TMEM232: variants seen among roughly 807,000 people sequenced by gnomAD.
TMEM232 encodes the protein transmembrane protein 232.
TMEM232 carries 80 observed loss-of-function variants against 78.8 expected under a neutral mutation model. The observed-to-expected ratio is 1.01, with a 90% confidence interval of 0.85 to 1.22. TMEM232 has a LOEUF of 1.22. Among genes scored for constraint, TMEM232 ranks in the 50% most tolerant of loss-of-function variants. TMEM232 has a pLI of 0.00. For missense variants in TMEM232, 881 were observed against 742.2 expected (o/e 1.19, Z -2.17); for synonymous variants, 297 against 254.3 (o/e 1.17, Z -1.60).
chr5:110,478,897 A>ATTTTTTT (rs746104997), intron 12 of TMEM232, among the ~76,000 whole-genome samples: 4 of 111,810 alleles, frequency 3.6e-5, no homozygotes, highest in Non-Finnish European at 5.7e-5. Flanking sequence ...GGAGAAATTG[A>ATTTTTTT]TTTTTTTTTT....
chr5:110,498,425 G>T (rs960744930), intron 12 of TMEM232, among the ~76,000 whole-genome samples: 1 of 152,112 alleles, frequency 6.6e-6, no homozygotes, highest in African/African-American at 2.4e-5. Context: ...TCACATGGGA[G>T]CCTTAACATT....
intron 11 of TMEM232, among the ~76,000 whole-genome samples, chr5:110,562,209 A>T (rs1775830724): frequency 6.6e-6 from 1 of 152,254 alleles, no homozygotes; most frequent in South Asian, 2.1e-4. Context: ...TCCACTTAGC[A>T]TCTCTGTTTC....
intron 1 of TMEM232, among the ~76,000 whole-genome samples, chr5:110,700,783 TAGG>T (rs1795340043): frequency 7.4e-6 from 1 of 135,574 alleles, no homozygotes; most frequent in East Asian, 2.4e-4. Context: ...GATAGATAGA[TAGG>T]TAGATAGATA....
intron 1 of TMEM232, among the ~76,000 whole-genome samples, chr5:110,673,717 A>G (rs1209372556): frequency 6.6e-6 from 1 of 152,162 alleles, no homozygotes; most frequent in Non-Finnish European, 1.5e-5. Context: ...TGGATTCTGA[A>G]GTTTTCGTGG....
intron 1 of TMEM232, among the ~76,000 whole-genome samples, chr5:110,692,378 G>A (rs1367678563): frequency 2.0e-5 from 3 of 152,220 alleles, no homozygotes; most frequent in Non-Finnish European, 1.5e-5. Flanking sequence ...AGTGAGCAAC[G>A]CAGAAGATGG....
chr5:110,604,005 C>T (rs530410751), intron 10 of TMEM232, among the ~76,000 whole-genome samples: 2 of 152,152 alleles, frequency 1.3e-5, no homozygotes, highest in South Asian at 4.2e-4. Context: ...CAAAATCTTG[C>T]AATTATATCT....
chr5:110,629,413 C>G (rs1409592230), intron 5 of TMEM232, among the ~76,000 whole-genome samples: 1 of 152,086 alleles, frequency 6.6e-6, no homozygotes, highest in East Asian at 1.9e-4. Context: ...AAGCTTGCAT[C>G]TTAATATTCT....
At chr5:110,440,373 CA>C (rs2112749952) in intron 12 of TMEM232, among the ~76,000 whole-genome samples, 1 of 152,226 alleles carries the variant, frequency 6.6e-6, no homozygotes, top group East Asian at 1.9e-4. Context: ...TTCTGTACGC[CA>C]CTATGTTCTT....
chr5:110,696,106 T>A (rs774717689), intron 1 of TMEM232, among the ~76,000 whole-genome samples: 1 of 152,280 alleles, frequency 6.6e-6, no homozygotes, highest in African/African-American at 2.4e-5. Context: ...TTATCCACCA[T>A]GATCAAGTGG....
At chr5:110,564,198 A>G (rs1325993506) in intron 11 of TMEM232, among the ~76,000 whole-genome samples, 2 of 152,016 alleles carry the variant, frequency 1.3e-5, no homozygotes, top group African/African-American at 4.8e-5. Context: ...TGTGAAAGCT[A>G]GAAATAACCA....
At chr5:110,653,717 G>C (rs1444097766) in intron 2 of TMEM232, among the ~76,000 whole-genome samples, 3 of 152,152 alleles carry the variant, frequency 2.0e-5, no homozygotes, top group Non-Finnish European at 2.9e-5. Context: ...CACATGACTG[G>C]AAGTAGAAAG....
chr5:110,718,044 T>G (rs529464998), intron 1 of TMEM232, among the ~76,000 whole-genome samples: 139 of 152,282 alleles, frequency 9.1e-4, no homozygotes, highest in African/African-American at 3.3e-3. Context: ...ATCTGAATAT[T>G]TTTGGTCTTT....
At chr5:110,736,930 A>T (rs2150394520) in intron 1 of TMEM232, among the ~76,000 whole-genome samples, 1 of 151,380 alleles carries the variant, frequency 6.6e-6, no homozygotes, top group East Asian at 2.0e-4. Flanking sequence ...ACATATTCAC[A>T]AATGGCTCAC....
chr5:110,543,066 T>C (rs1773359886), intron 11 of TMEM232, among the ~76,000 whole-genome samples: 1 of 152,160 alleles, frequency 6.6e-6, no homozygotes, highest in South Asian at 2.1e-4. Context: ...ATTCCTTCCT[T>C]GTTTTGTTTG....
At chr5:110,583,966 C>CAAA (rs60079206) in intron 10 of TMEM232, among the ~76,000 whole-genome samples, 2,314 of 98,972 alleles carry the variant, frequency 0.023, 62 homozygotes, top group African/African-American at 0.076. Context: ...TATCTATTAT[C>CAAA]AAAAAAAAAA....
At chr5:110,702,192 CCT>C (rs1262989457) in intron 1 of TMEM232, among the ~76,000 whole-genome samples, 2 of 152,032 alleles carry the variant, frequency 1.3e-5, no homozygotes, top group Admixed American at 6.6e-5. Flanking sequence ...TACAATAGCC[CCT>C]GTTTTGGGCC....
intron 12 of TMEM232, among the ~76,000 whole-genome samples, chr5:110,512,632 G>A (rs923997472): frequency 1.3e-5 from 2 of 152,132 alleles, no homozygotes; most frequent in Admixed American, 6.6e-5. Context: ...CCCTGGATAC[G>A]AACGCTTCAG....
chr5:110,565,418 C>A (rs1418745192), intron 11 of TMEM232, among the ~76,000 whole-genome samples: 1 of 151,886 alleles, frequency 6.6e-6, no homozygotes, highest in East Asian at 1.9e-4. Flanking sequence ...GCCATTTGAA[C>A]CCAGGCAACC....
chr5:110,415,419 A>T (rs1171744158), downstream of TMEM232, among the ~76,000 whole-genome samples: 3 of 150,832 alleles, frequency 2.0e-5, no homozygotes, highest in Non-Finnish European at 4.4e-5. Context: ...CGATCTCCTG[A>T]CCCGTGTTCC....
Sources: gnomAD v4.1 joint callset for allele counts (sites outside exome capture counted in the v4.1 genomes callset) on GRCh38, gnomAD v4.1.1 for gene constraint, MANE v1.5 for transcripts, NCBI Gene and HGNC (gene_info 2026-07-23, HGNC 2026-07-21) for gene names.